Variants in XAB2 observed in about 807,000 individuals in gnomAD.
XAB2 encodes pre-mRNA-splicing factor SYF1.
XAB2 carries 57 observed loss-of-function variants against 113.4 expected under a neutral mutation model. The observed-to-expected ratio is 0.50, with a 90% CI of 0.41 to 0.63. The LOEUF is 0.63. XAB2 is among the 20% of genes least tolerant of loss of function. The pLI is 0.00. For missense variants in XAB2, 1,037 were observed against 1,233.3 expected (o/e 0.84, Z 2.38); for synonymous variants, 497 against 498.8 (o/e 1.00, Z 0.05).
Position 7,621,247 on chromosome 19 carries a change from G to C in XAB2, c.1668C>G (p.Ile556Met). The C allele has an allele frequency of 6.2e-7, 1 of 1,613,174 alleles. No individual in the cohort carries two copies. Among genetic ancestry groups the C allele is most frequent in the Non-Finnish European group, 8.5e-7 (1 of 1,180,000 alleles). ...TGAATTTGGTCAGGTAGGTGCTCCA[G>C]ATGTCGGACACGTTGGGCCACTTGA... ...SLFKWPNVSDIWSTYLTKFIA... is the reference protein window; with the variant it reads ...SLFKWPNVSDMWSTYLTKFIA... The change falls in exon 13 of 19, where the codon ATC (isoleucine) becomes ATG (methionine). Residue 556 changes from isoleucine (I) to methionine (M), a missense_variant. Coordinates refer to ENST00000358368, the MANE Select transcript of XAB2 (RefSeq NM_020196.3).
chr19:7,621,095 G>GCCCCCCCCCCCCCCCCCCCCCCCCC, intron 13 of XAB2, 40 bp downstream of exon 13: 3 of 1,486,310 alleles, frequency 2.0e-6, no homozygotes, highest in Non-Finnish European at 2.7e-6. Flanking sequence ...CAGAAACCCA[G>GCCCCCCCCCCCCCCCCCCCCCCCCC]CCCGCCCGCC....
chr19:7,623,666 G>T lies in XAB2; in HGVS notation c.1119+65C>A. ...AGAAGGTGACATTATGGGTGAAGGTGGGTGGCTCCCCAGTTCTGCAGGAAA... is the reference window on the plus strand; with the variant it reads ...AGAAGGTGACATTATGGGTGAAGGTTGGTGGCTCCCCAGTTCTGCAGGAAA... On this transcript the variant is annotated intron_variant, in intron 8 of 18. Transcript: ENST00000358368. The surrounding 1 kb of genome is among the most constrained non-coding windows in gnomAD (Gnocchi z 4.6). The T allele has an allele frequency of 3.3e-6, 5 of 1,517,146 alleles. No homozygotes were observed. Among genetic ancestry groups the T allele is most frequent in the South Asian group, 1.3e-5 (1 of 78,288 alleles). The allele number at this position is 1,517,146 out of a possible 1,614,324, so 94.0% of individuals were successfully genotyped here. A position where few individuals can be genotyped will look rare whatever the true frequency, so the allele number is the denominator to read the frequency against.
At position 7,627,315 on chromosome 19, in the gene XAB2, G is replaced by C. The variant is rs1599374153; in HGVS notation, c.450C>G (p.Pro150=). The C allele has an allele frequency of 2.5e-6, 4 of 1,613,700 alleles. No homozygotes were observed. Among genetic ancestry groups the C allele is most frequent in the Non-Finnish European group, 3.4e-6 (4 of 1,180,038 alleles). ...GTGAGCGCAGGAAGCGCAGATACAGGGGCCAAATTCGAGAGTGCTGCGTGA... is the reference window on the plus strand; with the variant it reads ...GTGAGCGCAGGAAGCGCAGATACAGCGGCCAAATTCGAGAGTGCTGCGTGA... The part of the protein sequence containing the change: ...LPITQHSRIW[P]LYLRFLRSHP... Residue 150 remains proline, a synonymous_variant, in exon 4 of 19, where the codon CCC becomes CCG. Coordinates refer to ENST00000358368, the MANE Select transcript of XAB2 (RefSeq NM_020196.3). This position sits in a 1 kb window ranked among gnomAD's most constrained non-coding sequence, Gnocchi z 4.5.
In XAB2 at chr19:7,627,660, T is replaced by TGCCC; in HGVS notation, c.324+67_324+68insGGGC. On this transcript the variant is annotated intron_variant, in intron 3 of 18. Coordinates refer to ENST00000358368, the MANE Select transcript of XAB2 (RefSeq NM_020196.3). This position sits in a 1 kb window ranked among gnomAD's most constrained non-coding sequence, Gnocchi z 4.5. ...CCTAACATGCTGAGCCCAGCCCCTG[T>TGCCC]CCCCGCCCCACCCACCACCATGGAC... 1 of 1,572,306 alleles carries TGCCC rather than the reference T, an allele frequency of 6.4e-7. No individual in the cohort carries two copies. Among genetic ancestry groups the TGCCC allele is most frequent in the South Asian group, 1.1e-5 (1 of 89,092 alleles).
At position 7,623,068 on chromosome 19, in the gene XAB2, G is replaced by T; in HGVS notation, c.1239+102C>A. The stretch of plus-strand genomic sequence containing the variant: ...CACCCAAATGCACATGCACACACAC[G>T]TGCACACATCCATGCACAAATATGT... On this transcript the variant is annotated intron_variant, in intron 9 of 18. Coordinates refer to ENST00000358368, the MANE Select transcript of XAB2 (RefSeq NM_020196.3). This position sits in a 1 kb window ranked among gnomAD's most constrained non-coding sequence, Gnocchi z 4.6. The T allele has an allele frequency of 6.4e-7, 1 of 1,569,404 alleles. No homozygotes were observed. The highest frequency in any genetic ancestry group is 1.2e-5 in the South Asian group (1 of 85,434).
chr19:7,620,679 G>A lies in XAB2; in HGVS notation c.1972-10C>T, dbSNP rs775965513. 24 of 1,611,914 alleles carry A rather than the reference G, an allele frequency of 1.5e-5. No homozygotes were observed. Among genetic ancestry groups the A allele is most frequent in the South Asian group, 5.5e-5 (5 of 91,060 alleles). On this transcript the variant is annotated splice_polypyrimidine_tract_variant and intron_variant, in intron 14 of 18. Coordinates refer to ENST00000358368, the MANE Select transcript of XAB2 (RefSeq NM_020196.3). ...GCTCGTCCGACAGCACCTGGACACC[G>A]GGGTTGGGGAGGCCGGGAGTGAGGC...
rs1287933618 is a variant in XAB2, at chr19:7,622,644, A to G, written c.1389T>C (p.Pro463=). 3 of 1,611,454 alleles carry G rather than the reference A, an allele frequency of 1.9e-6. No individual in the cohort carries two copies. Among genetic ancestry groups the G allele is most frequent in the Admixed American group, 3.3e-5 (2 of 60,012 alleles). ...CATCAAAGTACTCGGCCCGGCGGGC[A>G]GGCAGCGCCGTGGCCTTCTGCAGGG... ...LRLLRKATAL[P]ARRAEYFDGS... Residue 463 remains proline, a synonymous_variant, in exon 11 of 19, where the codon CCT becomes CCC. Coordinates refer to ENST00000358368, the MANE Select transcript of XAB2 (RefSeq NM_020196.3).
At position 7,624,738 on chromosome 19, in the gene XAB2, T is replaced by G. The variant is rs981145604; in HGVS notation, c.823-293A>C. Among the ~76,000 whole-genome samples the G allele has an allele frequency of 3.3e-5, 5 of 152,264 alleles. No homozygotes were observed. The highest frequency in any genetic ancestry group is 5.9e-5 in the Non-Finnish European group (4 of 67,996). ...GACTGAGACACATGTGTGAAGCACT[T>G]GGCACCCAATAGGTGGCCAAAAACC... On this transcript the variant is annotated intron_variant, in intron 6 of 18. Coordinates refer to ENST00000358368, the MANE Select transcript of XAB2 (RefSeq NM_020196.3). The surrounding 1 kb of genome is among the most constrained non-coding windows in gnomAD (Gnocchi z 4.2).
intron 13 of XAB2, 41 bp downstream of exon 13, chr19:7,621,094 A>AAACCCCCCCCCCCCCCCCCCCCTCCCCC: frequency 6.7e-7 from 1 of 1,494,492 alleles, no homozygotes; most frequent in Non-Finnish European, 9.0e-7. Flanking sequence ...TCAGAAACCC[A>AAACCCCCCCCCCCCCCCCCCCCTCCCCC]GCCCGCCCGC....
chr19:7,620,127 G>A (rs762858153), intron 16 of XAB2, 52 bp from the exon 17 acceptor site: 188 of 1,599,866 alleles, frequency 1.2e-4, no homozygotes, highest in Middle Eastern at 5.6e-4. Flanking sequence ...CCCACACATC[G>A]GACGTTGCAC....
rs754211819 is a variant in XAB2 at position 7,620,236 on chromosome 19, T to C, written c.2266+39A>G. 3 of 1,610,666 alleles carry C rather than the reference T, an allele frequency of 1.9e-6. No individual in the cohort carries two copies. In the South Asian group the frequency reaches 3.3e-5, roughly 18 times the overall value. ...AAGCCCAGGTCAGGCCGGGCTGAGA[T>C]GCCCTGGATCAGGAACTCAGCCAGC... On this transcript the variant is annotated intron_variant, in intron 16 of 18. Coordinates refer to ENST00000358368, the MANE Select transcript of XAB2 (RefSeq NM_020196.3).
rs761357204 is a variant in XAB2, at chr19:7,620,681, G to T, written c.1972-12C>A. The T allele has an allele frequency of 6.2e-7, 1 of 1,611,994 alleles. No homozygotes were observed. ...TCGTCCGACAGCACCTGGACACCGG[G>T]GTTGGGGAGGCCGGGAGTGAGGCCG... On this transcript the variant is annotated splice_polypyrimidine_tract_variant and intron_variant, in intron 14 of 18. Transcript: ENST00000358368.
chr19:7,620,240 C>T lies in XAB2; in HGVS notation c.2266+35G>A, dbSNP rs374215641. ...CCAGGTCAGGCCGGGCTGAGATGCCCTGGATCAGGAACTCAGCCAGCTGGG... is the reference window on the plus strand; with the variant it reads ...CCAGGTCAGGCCGGGCTGAGATGCCTTGGATCAGGAACTCAGCCAGCTGGG... On this transcript the variant is annotated intron_variant, in intron 16 of 18. Coordinates refer to ENST00000358368, the MANE Select transcript of XAB2 (RefSeq NM_020196.3). 2.8e-5 allele frequency: 45 copies of T among 1,611,202 alleles called. No individual in the cohort carries two copies. The African/African-American group carries it at 5.9e-4, about 21-fold the overall frequency.
Position 7,620,872 on chromosome 19 carries a change from G to A in XAB2, c.1945C>T (p.Arg649Cys), listed in dbSNP as rs1352165184. ...TCAATGGCCTTCTGGTAGATGCCGC[G>A]GGTGTGGGTGACCCCATAGATCTCG... ...AAEIYGVTHT[R>C]GIYQKAIEVL... Residue 649 changes from arginine to cysteine, a missense_variant, in exon 14 of 19, where the codon CGC becomes TGC. Coordinates refer to ENST00000358368, the MANE Select transcript of XAB2 (RefSeq NM_020196.3). The A allele has an allele frequency of 2.5e-6, 4 of 1,593,982 alleles. No homozygotes were observed. The highest frequency in any genetic ancestry group is 3.4e-6 in the Non-Finnish European group (4 of 1,169,554).
At chr19:7,626,534 A>C (rs2031144100) in intron 4 of XAB2, among the ~76,000 whole-genome samples, 1 of 151,018 alleles carries the variant, frequency 6.6e-6, no homozygotes, top group African/African-American at 2.4e-5. Flanking sequence ...CCAGCTGTGG[A>C]CTTTTTGGGT....
rs766949993 is a variant in XAB2, at chr19:7,629,542, A to T, written c.-15T>A. The T allele has an allele frequency of 1.9e-6, 3 of 1,600,570 alleles. No homozygotes were observed. The highest frequency in any genetic ancestry group is 2.6e-6 in the Non-Finnish European group (3 of 1,173,838). On this transcript the variant is annotated 5_prime_UTR_variant, in exon 1 of 19. Coordinates refer to ENST00000358368, the MANE Select transcript of XAB2 (RefSeq NM_020196.3). Reference sequence around the variant, plus strand: ...ATCACCACCATTTTTCTGGATGCCCAGGTACAGGAGAGAGTCGCGCGCTTA... The same window carrying T: ...ATCACCACCATTTTTCTGGATGCCCTGGTACAGGAGAGAGTCGCGCGCTTA...
chr19:7,625,195 G>A lies in XAB2; in HGVS notation c.822+685C>T, dbSNP rs975788987. On this transcript the variant is annotated intron_variant, in intron 6 of 18. Transcript: ENST00000358368. This position sits in a 1 kb window ranked among gnomAD's most constrained non-coding sequence, Gnocchi z 5.2. ...ACTCCACTGCCTGCCAAGAGCCACA[G>A]TCAGCTAACCCCTGAGGGAGTGGCC... 4.6e-5 allele frequency among the ~76,000 whole-genome samples: 7 copies of A among 152,202 alleles called. No individual in the cohort carries two copies. The highest frequency in any genetic ancestry group is 1.5e-5 in the Non-Finnish European group (1 of 68,044).
chr19:7,626,410 G>A (rs2031142172), intron 4 of XAB2, 140 bp from the exon 5 acceptor site: 3 of 1,265,858 alleles, frequency 2.4e-6, no homozygotes, highest in African/African-American at 2.9e-5. Flanking sequence ...ACCAGCCTCA[G>A]CCCCACTGGT....
rs752621645 is a variant in XAB2 at position 7,625,915 on chromosome 19, C to G, written c.787G>C (p.Ala263Pro). The G allele has an allele frequency of 1.9e-6, 3 of 1,612,662 alleles. No homozygotes were observed. The highest frequency in any genetic ancestry group is 2.5e-6 in the Non-Finnish European group (3 of 1,179,268). Residue 263 changes from alanine to proline, a missense_variant, in exon 6 of 19, where the codon GCC becomes CCC. Ala to Pro is a conservative substitution (Grantham distance 27). Transcript: ENST00000358368. The surrounding 1 kb of genome is among the most constrained non-coding windows in gnomAD (Gnocchi z 5.2). ...DQLGKLWCSL[A>P]DYYIRSGHFE... ...TGGCCGCTGCGGATGTAGTAGTCGG[C>G]GAGAGAACACCAGAGCTTGCCCAGC...
Sources: allele counts gnomAD v4.1 joint callset (sites outside exome capture counted in the v4.1 genomes callset), GRCh38; gene constraint gnomAD v4.1.1; non-coding constraint Gnocchi (gnomAD v3.1); transcripts MANE v1.5; gene names NCBI Gene and HGNC (gene_info 2026-07-23, HGNC 2026-07-21).